The following ACSM2A variants were observed in gnomAD, a reference collection of about 807,000 sequenced individuals.
ACSM2A encodes the protein acyl-CoA synthetase medium chain family member 2A.
Under a neutral mutation model 76.6 loss-of-function variants are expected in ACSM2A, and 72 were observed. The ratio of observed to expected loss-of-function variants is 0.94; its 90% CI spans 0.78 to 1.14. The LOEUF (loss-of-function observed/expected upper bound fraction) is 1.14. ACSM2A is among the 50% of genes most tolerant of loss of function. The probability of loss-of-function intolerance (pLI) is 0.00; values close to 1 mark genes in which losing one functional copy is unlikely to be tolerated. For missense variants in ACSM2A, 684 were observed against 708.5 expected (o/e 0.97, Z 0.39); for synonymous variants, 249 against 255.9 (o/e 0.97, Z 0.26).
chr16:20,480,771 G>T, intron 11 of ACSM2A, 51 bp from the exon 12 acceptor site: 1 of 1,613,536 alleles, frequency 6.2e-7, no homozygotes, highest in Non-Finnish European at 8.5e-7. Flanking sequence ...CTTCTGGAAT[G>T]GCCTAGAGGT....
chr16:20,472,333 T>C lies in ACSM2A; in HGVS notation c.894+644T>C, dbSNP rs565513557. Among the ~76,000 whole-genome samples, 12 of 152,330 alleles carry C rather than the reference T, an allele frequency of 7.9e-5. No homozygotes were observed. The South Asian group carries it at 2.5e-3, about 32-fold the overall frequency. On this transcript the variant is annotated intron_variant, in intron 6 of 13. Coordinates refer to ENST00000573854, the MANE Select transcript of ACSM2A (RefSeq NM_001308172.2). ...GATTCCTGGGGAAGCCCTCTCTTCC[T>C]GGCTTGCTGATGGCTCCCTTACTGC...
Position 20,480,813 on chromosome 16 carries a change from C to T in ACSM2A, c.1410-9C>T, listed in dbSNP as rs2014039558. 10 of 1,613,796 alleles carry T rather than the reference C, an allele frequency of 6.2e-6. No individual in the cohort carries two copies. The highest frequency in any genetic ancestry group is 1.7e-5 in the Admixed American group (1 of 59,992). ...TCCAGTGTTCTCTGAAGGACAGGTT[C>T]TTCTGCAGGTACCGGATTGGACCCT... On this transcript the variant is annotated splice_polypyrimidine_tract_variant and intron_variant, in intron 11 of 13. Transcript: ENST00000573854.
intron 3 of ACSM2A, among the ~76,000 whole-genome samples, chr16:20,467,098 C>T (rs1183903014): frequency 6.6e-6 from 1 of 152,162 alleles, no homozygotes; most frequent in Admixed American, 6.5e-5. Flanking sequence ...TGTCAGATTT[C>T]CCTCAGTGTC....
chr16:20,470,900 C>T, intron 4 of ACSM2A, 173 bp from the exon 5 acceptor site: 1 of 1,029,988 alleles, frequency 9.7e-7, no homozygotes, highest in South Asian at 1.3e-5. Flanking sequence ...GTTTTCAAAC[C>T]CAACTCTGAT....
chr16:20,472,890 A>C (rs2013504689), intron 6 of ACSM2A, among the ~76,000 whole-genome samples: 1 of 152,172 alleles, frequency 6.6e-6, no homozygotes. Context: ...TTGTTAATGA[A>C]CTTTGGGTTA....
intron 3 of ACSM2A, among the ~76,000 whole-genome samples, chr16:20,469,275 G>A (rs374526691): frequency 6.6e-6 from 1 of 152,154 alleles, no homozygotes; most frequent in Non-Finnish European, 1.5e-5. Context: ...TGTGACATTA[G>A]CAATTCAATT....
rs746206762 is a variant in ACSM2A, at chr16:20,471,545, C to A, written c.750C>A (p.Gly250=). The stretch of plus-strand genomic sequence containing the variant: ...TTGTCTGTGTTTTCAGTTGGACAGG[C>A]CTGCAAGCCTCTGATATAATGTGGA... ...LKAKMDAGWT[G]LQASDIMWTI... The change falls in exon 6 of 14, where the codon GGC becomes GGA. Residue 250 remains glycine, a synonymous_variant. Coordinates refer to ENST00000573854, the MANE Select transcript of ACSM2A (RefSeq NM_001308172.2). The A allele has an allele frequency of 1.1e-5, 17 of 1,612,336 alleles. No individual in the cohort carries two copies. The highest frequency in any genetic ancestry group is 8.0e-5 in the African/African-American group (6 of 74,854).
intron 1 of ACSM2A, among the ~76,000 whole-genome samples, chr16:20,458,902 A>AATATATATTATATATATAG (rs2012394377): frequency 4.4e-5 from 2 of 45,782 alleles, no homozygotes; most frequent in African/African-American, 3.8e-4. Flanking sequence ...TTATATATAT[A>AATATATATTATATATATAG]TGCATATATA....
chr16:20,480,693 T>G lies in ACSM2A; in HGVS notation c.1402T>G (p.Ser468Ala), dbSNP rs1291319067. ...FMGRANDIIN[S>A]SGYRIGPSEV... ...GGGACGGGCAAATGATATCATTAAC[T>G]CCAGCGGGTGAGCTTGGTTTCTGGG... is the stretch of plus-strand genomic sequence containing the variant. Residue 468 changes from serine (S) to alanine (A), a missense_variant, in exon 11 of 14, where the codon TCC (serine) becomes GCC (alanine). This residue lies in a region of ACSM2A where 6 missense variants were observed against 26.6 expected (regional missense o/e 0.23). Transcript: ENST00000573854. The G allele has an allele frequency of 6.6e-7, 1 of 1,516,800 alleles. No individual in the cohort carries two copies. The highest frequency in any genetic ancestry group is 2.3e-5 in the East Asian group (1 of 44,290). The allele number at this position is 1,516,800 out of a possible 1,614,324, so 94.0% of individuals were successfully genotyped here. A position where few individuals can be genotyped will look rare whatever the true frequency, so the allele number is the denominator to read the frequency against.
chr16:20,454,689 C>T (rs927772867), intron 1 of ACSM2A, among the ~76,000 whole-genome samples: 4 of 151,956 alleles, frequency 2.6e-5, no homozygotes, highest in African/African-American at 4.8e-5. Flanking sequence ...TTCCCTCTAA[C>T]ATAGCCTACC....
chr16:20,472,296 C>G (rs1474076174), intron 6 of ACSM2A, among the ~76,000 whole-genome samples: 1 of 152,088 alleles, frequency 6.6e-6, no homozygotes, highest in Non-Finnish European at 1.5e-5. Flanking sequence ...GATCAGGGTG[C>G]CAGCATAATT....
chr16:20,477,210 A>G, intron 8 of ACSM2A, 159 bp from the exon 9 acceptor site: 1 of 1,278,684 alleles, frequency 7.8e-7, no homozygotes, highest in Non-Finnish European at 1.0e-6. Flanking sequence ...TTGTGGTTCC[A>G]GTAATGGGGA....
At chr16:20,460,013 C>T in intron 1 of ACSM2A, 94 bp from the exon 2 acceptor site, 1 of 1,446,346 alleles carries the variant, frequency 6.9e-7, no homozygotes, top group East Asian at 2.5e-5. Flanking sequence ...GGGAAGAATC[C>T]TATAAGGTTG....
chr16:20,471,348 G>A (rs2013381915), intron 5 of ACSM2A, 132 bp downstream of exon 5: 1 of 1,500,478 alleles, frequency 6.7e-7, no homozygotes, highest in Non-Finnish European at 8.9e-7. Flanking sequence ...TGTTGATACA[G>A]GATGTGTGGA....
Position 20,475,399 on chromosome 16 carries a change from C to A in ACSM2A, c.932C>A (p.Ala311Asp). 3 of 1,613,776 alleles carry A rather than the reference C, an allele frequency of 1.9e-6. No homozygotes were observed. Among genetic ancestry groups the A allele is most frequent in the Non-Finnish European group, 2.5e-6 (3 of 1,179,734 alleles). Residue 311 changes from alanine to aspartate, a missense_variant, in exon 7 of 14, where the codon GCC becomes GAC. Physicochemically the swap from Ala to Asp is moderately radical, Grantham distance 126. Around this residue, in one of 3 missense-constraint regions of ACSM2A, gnomAD observed 519 missense variants for 549.5 expected, o/e 0.94. Coordinates refer to ENST00000573854, the MANE Select transcript of ACSM2A (RefSeq NM_001308172.2). ...SSYPIKSMMG[A>D]PIVYRMLLQQ... is the part of the protein sequence containing the mutation. ...TATCCAATCAAGAGTATGATGGGTG[C>A]CCCCATTGTTTACCGGATGTTGCTA...
At chr16:20,477,578 G>A in intron 9 of ACSM2A, 129 bp downstream of exon 9, 1 of 1,438,920 alleles carries the variant, frequency 6.9e-7, no homozygotes, top group Non-Finnish European at 9.2e-7. Context: ...AAGAAAAAAA[G>A]GAGGTAGGGA....
At chr16:20,485,009 C>T (rs1406599023) in intron 13 of ACSM2A, among the ~76,000 whole-genome samples, 9 of 152,120 alleles carry the variant, frequency 5.9e-5, no homozygotes, top group African/African-American at 1.9e-4. Context: ...TTCACCTCCA[C>T]CAGTTACTCA....
At chr16:20,465,980 A>G (rs1233512795) in intron 3 of ACSM2A, among the ~76,000 whole-genome samples, 4 of 152,220 alleles carry the variant, frequency 2.6e-5, no homozygotes, top group African/African-American at 9.6e-5. Flanking sequence ...AAGCTCTTAA[A>G]CTATTAATTG....
intron 7 of ACSM2A, 45 bp from the exon 8 acceptor site, chr16:20,475,605 T>C: frequency 6.2e-7 from 1 of 1,612,592 alleles, no homozygotes; most frequent in Non-Finnish European, 8.5e-7. Flanking sequence ...GAGTGGACTT[T>C]GGTTCCAGGG....
Sources: gnomAD v4.1 joint callset for allele counts (sites outside exome capture counted in the v4.1 genomes callset) on GRCh38, gnomAD v4.1.1 for gene constraint, gnomAD v4.1.1 regional missense constraint, MANE v1.5 for transcripts, NCBI Gene and HGNC (gene_info 2026-07-23, HGNC 2026-07-21) for gene names.